MEGF9: variants seen among roughly 807,000 people sequenced by gnomAD.
MEGF9 encodes multiple EGF like domains 9, also known as multiple epidermal growth factor-like domains protein 9.
MEGF9 carries 6 observed loss-of-function variants against 46.8 expected under a neutral mutation model. The ratio of observed to expected loss-of-function variants is 0.13; its 90% confidence interval spans 0.07 to 0.25. The LOEUF (loss-of-function observed/expected upper bound fraction) is 0.25, where lower values mean the gene tolerates loss of function less well. Ranked by LOEUF, MEGF9 falls within the 10% of genes least tolerant of loss-of-function variation. The pLI is 1.00. For missense variants in MEGF9, 683 were observed against 792.4 expected (o/e 0.86, Z 1.66); for synonymous variants, 302 against 330.7 (o/e 0.91, Z 0.94).
At chr9:120,612,356 T>G (rs767924414) in intron 4 of MEGF9, 40 bp downstream of exon 4, 3 of 1,589,908 alleles carry the variant, frequency 1.9e-6, no homozygotes, top group Admixed American at 1.8e-5. Context: ...TAACTGATTT[T>G]TTTTTCCCTC....
chr9:120,668,148 C>T (rs2043733559), intron 1 of MEGF9, among the ~76,000 whole-genome samples: 1 of 152,150 alleles, frequency 6.6e-6, no homozygotes, highest in Non-Finnish European at 1.5e-5. Context: ...TGTTTTAGGT[C>T]TGAAGAAAAG....
At chr9:120,665,007 T>C (rs1261266751) in intron 1 of MEGF9, among the ~76,000 whole-genome samples, 1 of 152,226 alleles carries the variant, frequency 6.6e-6, no homozygotes, top group Non-Finnish European at 1.5e-5. Context: ...ATCATTTCAT[T>C]GTACTATGAA....
chr9:120,667,164 A>G (rs1387966352), intron 1 of MEGF9, among the ~76,000 whole-genome samples: 1 of 152,198 alleles, frequency 6.6e-6, no homozygotes, highest in African/African-American at 2.4e-5. Flanking sequence ...TCCCACAAGC[A>G]ACTATTTCAA....
intron 4 of MEGF9, among the ~76,000 whole-genome samples, chr9:120,611,857 AAGG>A (rs1393621443): frequency 3.2e-4 from 45 of 140,002 alleles, no homozygotes; most frequent in African/African-American, 6.8e-4. Flanking sequence ...GGAAGGAAGG[AAGG>A]AAGAAAGAGA....
chr9:120,661,967 G>A (rs2043704442), intron 1 of MEGF9, among the ~76,000 whole-genome samples: 1 of 152,142 alleles, frequency 6.6e-6, no homozygotes, highest in Admixed American at 6.5e-5. Context: ...GTATGTTGGT[G>A]TCAGTAGAAC....
At chr9:120,645,384 C>T (rs2043621126) in intron 2 of MEGF9, among the ~76,000 whole-genome samples, 2 of 152,172 alleles carry the variant, frequency 1.3e-5, no homozygotes, top group Non-Finnish European at 2.9e-5. Context: ...AGAATCACTG[C>T]TGCCTCTGCA....
chr9:120,710,919 AGAG>A (rs1205343326), intron 1 of MEGF9, among the ~76,000 whole-genome samples: 2 of 152,260 alleles, frequency 1.3e-5, no homozygotes, highest in East Asian at 3.8e-4. Context: ...GTGAATTCAC[AGAG>A]AAGTACAAAC....
chr9:120,711,310 A>G (rs2043951835), intron 1 of MEGF9, among the ~76,000 whole-genome samples: 1 of 152,254 alleles, frequency 6.6e-6, no homozygotes, highest in African/African-American at 2.4e-5. Context: ...TAAAAAGAAT[A>G]AAGTAGACCC....
At position 120,684,763 on chromosome 9, in the gene MEGF9, A is replaced by G. The variant is rs1472508636; in HGVS notation, c.602-25188T>C. On this transcript the variant is annotated intron_variant, in intron 1 of 5. Coordinates refer to ENST00000373930, the MANE Select transcript of MEGF9 (RefSeq NM_001080497.3). ...CTGCCAACACATATACGCCATGTAT[A>G]CACTAAGATCCTCAAAAGAAAACTG... 4.6e-5 allele frequency among the ~76,000 whole-genome samples: 7 copies of G among 152,210 alleles called. No homozygotes were observed. In the East Asian group the frequency reaches 1.3e-3, roughly 29 times the overall value.
intron 2 of MEGF9, among the ~76,000 whole-genome samples, chr9:120,632,023 G>A (rs2043552916): frequency 2.0e-5 from 3 of 151,872 alleles, no homozygotes. Context: ...CACCTCCCAG[G>A]TTCAAGTGAT....
At chr9:120,704,610 T>C (rs1222446075) in intron 1 of MEGF9, among the ~76,000 whole-genome samples, 1 of 152,114 alleles carries the variant, frequency 6.6e-6, no homozygotes, top group Non-Finnish European at 1.5e-5. Context: ...AAATATCAAA[T>C]CTGAAACCCA....
At chr9:120,713,085 G>T (rs544449333) in intron 1 of MEGF9, among the ~76,000 whole-genome samples, 10 of 152,296 alleles carry the variant, frequency 6.6e-5, no homozygotes, top group African/African-American at 2.4e-4. Flanking sequence ...AGAAAAAAAT[G>T]GTGCGAGGAA....
chr9:120,614,625 AT>A lies in MEGF9; in HGVS notation c.944-2087del, dbSNP rs768710100. 5.8e-4 allele frequency among the ~76,000 whole-genome samples: 88 copies of A among 152,284 alleles called. No individual in the cohort carries two copies. In the Middle Eastern group the frequency reaches 0.014, roughly 24 times the overall value. Reference sequence around the variant, plus strand: ...AGGAAACTGGAGTTTTGCTCTAAAAATAAAACAATTTTAAAAGTTAAACTGT... The same window carrying A: ...AGGAAACTGGAGTTTTGCTCTAAAAAAAAACAATTTTAAAAGTTAAACTGT... On this transcript the variant is annotated intron_variant, in intron 3 of 5. Transcript: ENST00000373930.
intron 2 of MEGF9, among the ~76,000 whole-genome samples, chr9:120,633,036 T>C (rs2043557458): frequency 6.6e-6 from 1 of 152,230 alleles, no homozygotes; most frequent in Non-Finnish European, 1.5e-5. Context: ...TTCAGGGATA[T>C]GGGCCTGTAG....
intron 1 of MEGF9, among the ~76,000 whole-genome samples, chr9:120,698,052 A>G (rs924867998): frequency 1.3e-5 from 2 of 152,234 alleles, no homozygotes; most frequent in Admixed American, 6.5e-5. Context: ...CCTATTTGGT[A>G]GGTTACTATT....
chr9:120,607,828 T>C lies in MEGF9; in HGVS notation c.1270A>G (p.Asn424Asp), dbSNP rs1228729843. ...AACCCAGTGGTGTTATGGAGGCAGT[T>C]GATGCACTCACCACTCTCGGGCTTA... ...ICKPESGECI[N>D]CLHNTTGFWC... The change falls in exon 5 of 6, where the codon AAC (asparagine) becomes GAC (aspartate). Residue 424 changes from asparagine (N) to aspartate (D), a missense_variant. Asn to Asp is a conservative substitution (Grantham distance 23). Transcript: ENST00000373930. 3.1e-6 allele frequency: 5 copies of C among 1,613,910 alleles called. No individual in the cohort carries two copies. In the South Asian group the frequency reaches 5.5e-5, roughly 18 times the overall value.
intron 2 of MEGF9, among the ~76,000 whole-genome samples, chr9:120,625,792 C>A (rs1189523634): frequency 6.9e-6 from 1 of 144,794 alleles, no homozygotes; most frequent in Non-Finnish European, 1.5e-5. Context: ...CAAGATTGCG[C>A]CACTGCACTC....
intron 2 of MEGF9, among the ~76,000 whole-genome samples, chr9:120,622,984 T>C (rs2043506778): frequency 6.6e-6 from 1 of 152,200 alleles, no homozygotes; most frequent in Non-Finnish European, 1.5e-5. Context: ...TTACAGAAAA[T>C]TTAAAATGGA....
At chr9:120,633,436 G>A (rs1335142188) in intron 2 of MEGF9, among the ~76,000 whole-genome samples, 2 of 152,044 alleles carry the variant, frequency 1.3e-5, no homozygotes. Flanking sequence ...GGCATCAGTT[G>A]TAATGTCCTC....
Sources: gnomAD v4.1 joint callset for allele counts (sites outside exome capture counted in the v4.1 genomes callset) on GRCh38, gnomAD v4.1.1 for gene constraint, MANE v1.5 for transcripts, NCBI Gene and HGNC (gene_info 2026-07-23, HGNC 2026-07-21) for gene names.